The following CSRNP3 variants were observed in gnomAD, a reference collection of about 807,000 sequenced individuals.
CSRNP3 encodes the protein cysteine/serine-rich nuclear protein 3.
A neutral mutation model predicts 48.0 loss-of-function variants in CSRNP3; 12 were observed. That is an observed-to-expected ratio of 0.25 (90% CI 0.16 to 0.41). The LOEUF is 0.41. Ranked by LOEUF, CSRNP3 falls within the 10% of genes least tolerant of loss-of-function variation. CSRNP3 has a pLI of 1.00. For missense variants in CSRNP3, 580 were observed against 724.4 expected (o/e 0.80, Z 2.29); for synonymous variants, 263 against 269.7 (o/e 0.98, Z 0.24).
rs1198759574 is a variant in CSRNP3 at position 165,515,490 on chromosome 2, G to A, written c.-112-2383G>A. 2.0e-5 allele frequency among the ~76,000 whole-genome samples: 3 copies of A among 151,686 alleles called. No homozygotes were observed. In the East Asian group the frequency reaches 5.8e-4, roughly 29 times the overall value. Reference sequence around the variant, plus strand: ...TTTTGAATTTCAACTTTAATAATGGGTAGTCAAAAACACGTAATTTTTTTC... The same window carrying A: ...TTTTGAATTTCAACTTTAATAATGGATAGTCAAAAACACGTAATTTTTTTC... On this transcript the variant is annotated intron_variant, in intron 2 of 6. Transcript: ENST00000651982.
intron 1 of CSRNP3, among the ~76,000 whole-genome samples, chr2:165,494,392 A>G (rs969519399): frequency 1.3e-5 from 2 of 152,116 alleles, no homozygotes; most frequent in Admixed American, 6.6e-5. Flanking sequence ...TGAGTGATCT[A>G]TTTTGTTCTG....
At chr2:165,641,618 C>T (rs2105334574) in intron 4 of CSRNP3, among the ~76,000 whole-genome samples, 1 of 152,258 alleles carries the variant, frequency 6.6e-6, no homozygotes, top group South Asian at 2.1e-4. Flanking sequence ...GTGAATTGGT[C>T]TCTGGTAGGG....
intron 4 of CSRNP3, among the ~76,000 whole-genome samples, chr2:165,613,166 T>C (rs571905356): frequency 2.0e-5 from 3 of 152,276 alleles, no homozygotes; most frequent in South Asian, 4.1e-4. Flanking sequence ...ATTTCTTTGA[T>C]GATTAGTGAT....
intron 1 of CSRNP3, among the ~76,000 whole-genome samples, chr2:165,481,263 C>T (rs1684039153): frequency 6.6e-6 from 1 of 152,314 alleles, no homozygotes; most frequent in South Asian, 2.1e-4. Context: ...TCAATGCACA[C>T]TTCTTCCTGT....
chr2:165,635,259 G>C (rs1415291298), intron 4 of CSRNP3, among the ~76,000 whole-genome samples: 1 of 152,150 alleles, frequency 6.6e-6, no homozygotes. Context: ...GGAGACAAGT[G>C]GGCAGAACCT....
intron 4 of CSRNP3, among the ~76,000 whole-genome samples, chr2:165,657,209 G>C (rs1180543705): frequency 1.3e-5 from 2 of 152,122 alleles, no homozygotes; most frequent in Non-Finnish European, 2.9e-5. Context: ...GGGTATCCCA[G>C]TGCTTATGTT....
chr2:165,571,891 T>A (rs1201881079), intron 3 of CSRNP3, among the ~76,000 whole-genome samples: 1 of 152,100 alleles, frequency 6.6e-6, no homozygotes, highest in Non-Finnish European at 1.5e-5. Context: ...ATTGAGGATA[T>A]TTTGAAGGAA....
intron 4 of CSRNP3, 49 bp downstream of exon 4, chr2:165,595,262 A>C (rs778993217): frequency 6.7e-7 from 1 of 1,492,312 alleles, no homozygotes; most frequent in Admixed American, 1.8e-5. Context: ...TCTACAGCAA[A>C]ACTAATTGTG....
chr2:165,612,496 G>C lies in CSRNP3; in HGVS notation c.148+17283G>C, dbSNP rs148680979. Among the ~76,000 whole-genome samples, 252 of 151,936 alleles carry C rather than the reference G, an allele frequency of 1.7e-3. 1 individual carries two copies. Among genetic ancestry groups the C allele is most frequent in the Non-Finnish European group, 3.1e-3 (213 of 67,858 alleles). On this transcript the variant is annotated intron_variant, in intron 4 of 6. Transcript: ENST00000651982. Reference sequence around the variant, plus strand: ...ATTGTTAGCCATTTTCACCCTACAGGGGCCACAGAACACTAGAATTTATTT... The same window carrying C: ...ATTGTTAGCCATTTTCACCCTACAGCGGCCACAGAACACTAGAATTTATTT...
chr2:165,575,596 T>C (rs976673061), intron 3 of CSRNP3, among the ~76,000 whole-genome samples: 2 of 152,124 alleles, frequency 1.3e-5, no homozygotes, highest in Non-Finnish European at 2.9e-5. Flanking sequence ...AATTACTTTC[T>C]TTGCCCTGAA....
rs55956751 is a variant in CSRNP3, at chr2:165,594,149, T to C, written c.-23-894T>C. 2.6e-3 allele frequency among the ~76,000 whole-genome samples: 393 copies of C among 152,328 alleles called. 2 individuals carry two copies. The highest frequency in any genetic ancestry group is 9.0e-3 in the African/African-American group (375 of 41,552). ...TCAAAATTCAGAGCACTTCTTATCT[T>C]AACCATTTTGGATAATGGATATTTA... On this transcript the variant is annotated intron_variant, in intron 3 of 6. Coordinates refer to ENST00000651982, the MANE Select transcript of CSRNP3 (RefSeq NM_001172173.2).
At chr2:165,578,142 T>C (rs941118303) in intron 3 of CSRNP3, among the ~76,000 whole-genome samples, 10 of 152,084 alleles carry the variant, frequency 6.6e-5, no homozygotes, top group African/African-American at 9.7e-5. Context: ...TGGTTGCATT[T>C]GACTAATCAT....
intron 2 of CSRNP3, among the ~76,000 whole-genome samples, chr2:165,509,511 G>T (rs1441253481): frequency 6.6e-6 from 1 of 152,172 alleles, no homozygotes; most frequent in Non-Finnish European, 1.5e-5. Flanking sequence ...GATGCATCTT[G>T]AAGGCAGAGC....
chr2:165,548,785 T>C (rs1171888441), intron 3 of CSRNP3, among the ~76,000 whole-genome samples: 1 of 152,074 alleles, frequency 6.6e-6, no homozygotes, highest in East Asian at 1.9e-4. Flanking sequence ...GGTATCTCAC[T>C]GTTTCTATGA....
intron 4 of CSRNP3, among the ~76,000 whole-genome samples, chr2:165,649,497 T>A (rs1686870938): frequency 6.6e-6 from 1 of 152,248 alleles, no homozygotes; most frequent in Admixed American, 6.5e-5. Flanking sequence ...GTGTCTATCA[T>A]ATTTTATATG....
chr2:165,532,019 A>G (rs1684819378), intron 3 of CSRNP3, among the ~76,000 whole-genome samples: 1 of 152,198 alleles, frequency 6.6e-6, no homozygotes, highest in South Asian at 2.1e-4. Flanking sequence ...GAAGAAGTTG[A>G]ATCTCTGAAT....
chr2:165,561,499 T>C (rs1685232811), intron 3 of CSRNP3, among the ~76,000 whole-genome samples: 1 of 152,168 alleles, frequency 6.6e-6, no homozygotes. Flanking sequence ...GGTTTCTTGA[T>C]ATTCTACAAA....
chr2:165,558,179 C>T (rs778724780), intron 3 of CSRNP3, among the ~76,000 whole-genome samples: 5 of 152,046 alleles, frequency 3.3e-5, no homozygotes, highest in Non-Finnish European at 5.9e-5. Flanking sequence ...AATATGGCAA[C>T]ACTTGGTTAT....
At chr2:165,505,676 T>C (rs1350735058) in intron 2 of CSRNP3, among the ~76,000 whole-genome samples, 1 of 152,178 alleles carries the variant, frequency 6.6e-6, no homozygotes, top group Non-Finnish European at 1.5e-5. Flanking sequence ...GAATTACTTT[T>C]CTAACTTCCG....
Sources: gnomAD v4.1 joint callset for allele counts (sites outside exome capture counted in the v4.1 genomes callset) on GRCh38, gnomAD v4.1.1 for gene constraint, MANE v1.5 for transcripts, NCBI Gene and HGNC (gene_info 2026-07-23, HGNC 2026-07-21) for gene names.